EVA1C: variants seen among roughly 807,000 people sequenced by gnomAD.
EVA1C encodes protein eva-1 homolog C.
In EVA1C, 25 loss-of-function variants were observed where a neutral mutation model predicts 45.4. The ratio of observed to expected loss-of-function variants is 0.55; its 90% confidence interval spans 0.40 to 0.77. The LOEUF (loss-of-function observed/expected upper bound fraction) is 0.77, where lower values mean the gene tolerates loss of function less well. EVA1C is among the 30% of genes least tolerant of loss of function. The probability of loss-of-function intolerance (pLI) is 0.00; values close to 1 mark genes in which losing one functional copy is unlikely to be tolerated. For missense variants in EVA1C, 479 were observed against 554.8 expected (o/e 0.86, Z 1.37); for synonymous variants, 190 against 221.2 (o/e 0.86, Z 1.25).
chr21:32,466,675 T>C (rs994147415), intron 3 of EVA1C, among the ~76,000 whole-genome samples: 11 of 152,298 alleles, frequency 7.2e-5, no homozygotes, highest in African/African-American at 2.6e-4. Context: ...CACCATCAGC[T>C]TGACAGTCAG....
intron 2 of EVA1C, among the ~76,000 whole-genome samples, chr21:32,455,971 C>T (rs1425071010): frequency 3.3e-5 from 5 of 152,156 alleles, no homozygotes; most frequent in Admixed American, 1.3e-4. Flanking sequence ...CGGCTTACCA[C>T]AACCTCTGCC....
Position 32,514,892 on chromosome 21 carries a change from TCA to T in EVA1C, c.1029_1030del (p.Ile343MetfsTer23). 1 of 1,613,848 alleles carries T rather than the reference TCA, an allele frequency of 6.2e-7. No individual in the cohort carries two copies. The highest frequency in any genetic ancestry group is 8.5e-7 in the Non-Finnish European group (1 of 1,179,976). On this transcript the variant is annotated frameshift_variant, in exon 8 of 8. Coordinates refer to ENST00000300255, the MANE Select transcript of EVA1C (RefSeq NM_058187.5). LOFTEE classifies it high-confidence loss of function. ...GCCCTCACACTGTGCGCCCTGGTCA[TCA>T]GAGAGTCCTGTGCCAAGGACTTCCG...
intron 1 of EVA1C, among the ~76,000 whole-genome samples, chr21:32,423,032 C>G (rs1667933351): frequency 7.4e-6 from 1 of 134,948 alleles, no homozygotes; most frequent in Non-Finnish European, 1.5e-5. Context: ...GATCATGCCA[C>G]TGCACTCCAG....
chr21:32,503,955 G>C lies in EVA1C; in HGVS notation c.889G>C (p.Val297Leu). 1 of 1,611,688 alleles carries C rather than the reference G, an allele frequency of 6.2e-7. No individual in the cohort carries two copies. Among genetic ancestry groups the C allele is most frequent in the South Asian group, 1.1e-5 (1 of 90,950 alleles). Residue 297 changes from valine (V) to leucine (L), a missense_variant, in exon 7 of 8, where the codon GTT becomes CTT. Physicochemically the swap from Val to Leu is conservative, Grantham distance 32 (BLOSUM62 1). This residue lies in a region of EVA1C where 366 missense variants were observed against 426.1 expected (regional missense o/e 0.86). Transcript: ENST00000300255. Reference sequence around the variant, plus strand: ...AAACTTCGACCCAAGCGGATCGAAGGTTCTGAGGAAAGATGGAATTCTTGT... The same window carrying C: ...AAACTTCGACCCAAGCGGATCGAAGCTTCTGAGGAAAGATGGAATTCTTGT... ...GINFDPSGSK[V>L]LRKDGILVSN...
In EVA1C at chr21:32,424,175, A is replaced by C. The variant is rs112848651; in HGVS notation, c.160+11162A>C. Among the ~76,000 whole-genome samples the C allele has an allele frequency of 6.1e-3, 932 of 152,284 alleles. 10 individuals are homozygous for C. Among genetic ancestry groups the C allele is most frequent in the African/African-American group, 0.021 (878 of 41,564 alleles). On this transcript the variant is annotated intron_variant, in intron 1 of 7. Transcript: ENST00000300255. ...GTGTTTCAGAGTCTGAGAGAAGAGC[A>C]CACTGTCCTACCAAGTTATCTCCTT...
intron 7 of EVA1C, among the ~76,000 whole-genome samples, chr21:32,513,066 AGTT>A (rs897044356): frequency 1.8e-4 from 27 of 150,488 alleles, no homozygotes; most frequent in East Asian, 9.7e-4. Flanking sequence ...ACAATAATAT[AGTT>A]GTTATTATTG....
intron 7 of EVA1C, among the ~76,000 whole-genome samples, chr21:32,511,931 G>A (rs1305156822): frequency 2.0e-5 from 3 of 152,236 alleles, no homozygotes; most frequent in Admixed American, 1.3e-4. Context: ...CCACCAGCAG[G>A]AGAGTGGGTG....
In EVA1C at chr21:32,457,733, G is replaced by T. The variant is rs369390789; in HGVS notation, c.481+13G>T. On this transcript the variant is annotated intron_variant, in intron 3 of 7. Coordinates refer to ENST00000300255, the MANE Select transcript of EVA1C (RefSeq NM_058187.5). The stretch of plus-strand genomic sequence containing the variant: ...AAATGCCAACCTAGTAAGTAACTTC[G>T]GAGGGGGACAGTGTGTTTGGGGTGT... The T allele has an allele frequency of 6.2e-7, 1 of 1,614,012 alleles. No homozygotes were observed. Among genetic ancestry groups the T allele is most frequent in the South Asian group, 1.1e-5 (1 of 91,084 alleles).
intron 1 of EVA1C, among the ~76,000 whole-genome samples, chr21:32,430,788 C>T (rs537675671): frequency 6.6e-6 from 1 of 152,014 alleles, no homozygotes; most frequent in Non-Finnish European, 1.5e-5. Context: ...GCCTGGCCAA[C>T]ATGTTGAAAC....
intron 1 of EVA1C, among the ~76,000 whole-genome samples, chr21:32,430,300 A>G (rs2034649402): frequency 6.6e-6 from 1 of 152,028 alleles, no homozygotes; most frequent in Non-Finnish European, 1.5e-5. Context: ...CCCAGAATTT[A>G]GTCCTGTGAA....
chr21:32,474,404 G>A lies in EVA1C; in HGVS notation c.634+6556G>A, dbSNP rs1287581874. ...TTGCACAAGCTGTCCCTTTGACCTG[G>A]ACTGTGCTCACCCCATATCTTGTGT... is the stretch of plus-strand genomic sequence containing the variant. On this transcript the variant is annotated intron_variant, in intron 4 of 7. Transcript: ENST00000300255. This position sits in a 1 kb window ranked among gnomAD's most constrained non-coding sequence, Gnocchi z 4.4. Among the ~76,000 whole-genome samples, 1 of 152,090 alleles carries A rather than the reference G, an allele frequency of 6.6e-6. No homozygotes were observed. Among genetic ancestry groups the A allele is most frequent in the Non-Finnish European group, 1.5e-5 (1 of 68,030 alleles).
At chr21:32,461,772 A>G (rs554429679) in intron 3 of EVA1C, among the ~76,000 whole-genome samples, 12 of 152,272 alleles carry the variant, frequency 7.9e-5, no homozygotes, top group African/African-American at 2.9e-4. Context: ...TCTTTTCCCT[A>G]ATGTGCACTA....
intron 3 of EVA1C, among the ~76,000 whole-genome samples, chr21:32,459,695 G>T (rs2035925466): frequency 6.6e-6 from 1 of 152,110 alleles, no homozygotes; most frequent in Non-Finnish European, 1.5e-5. Flanking sequence ...TATGAAATTA[G>T]CTGGGCATAG....
At chr21:32,510,043 CTTT>C (rs58017017) in intron 7 of EVA1C, among the ~76,000 whole-genome samples, 55 of 114,506 alleles carry the variant, frequency 4.8e-4, no homozygotes, top group Middle Eastern at 4.7e-3. Context: ...TCCGACATTC[CTTT>C]TTTTTTTTTT....
chr21:32,448,599 T>C (rs2146229023), intron 1 of EVA1C, among the ~76,000 whole-genome samples: 1 of 151,936 alleles, frequency 6.6e-6, no homozygotes, highest in East Asian at 1.9e-4. Flanking sequence ...GTTAGAGAAG[T>C]TCTAGGTTCA....
At chr21:32,495,908 C>A (rs1376185199) in intron 5 of EVA1C, among the ~76,000 whole-genome samples, 1 of 152,174 alleles carries the variant, frequency 6.6e-6, no homozygotes, top group Admixed American at 6.5e-5. Context: ...AATTGAAGAA[C>A]CTGATACCTA....
chr21:32,479,515 A>G (rs2036700656), intron 4 of EVA1C, among the ~76,000 whole-genome samples: 1 of 152,014 alleles, frequency 6.6e-6, no homozygotes, highest in South Asian at 2.1e-4. Flanking sequence ...AACAACAACA[A>G]CAGAATCCTG....
intron 7 of EVA1C, among the ~76,000 whole-genome samples, chr21:32,510,271 T>C (rs1159700078): frequency 6.6e-6 from 1 of 151,974 alleles, no homozygotes; most frequent in Non-Finnish European, 1.5e-5. Flanking sequence ...GCCAGGCTGA[T>C]CTCAAACTCC....
chr21:32,463,139 A>T (rs915405221), intron 3 of EVA1C, among the ~76,000 whole-genome samples: 1 of 152,240 alleles, frequency 6.6e-6, no homozygotes, highest in Non-Finnish European at 1.5e-5. Context: ...TGCAAAAATA[A>T]TCGCGGTTTT....
Sources: gnomAD v4.1 joint callset for allele counts (sites outside exome capture counted in the v4.1 genomes callset) on GRCh38, gnomAD v4.1.1 for gene constraint, gnomAD v4.1.1 regional missense constraint, Gnocchi (gnomAD v3.1) non-coding constraint, MANE v1.5 for transcripts, NCBI Gene and HGNC (gene_info 2026-07-23, HGNC 2026-07-21) for gene names.